Variants in SMIM14 observed in about 807,000 individuals in gnomAD.
SMIM14 encodes the protein small integral membrane protein 14.
A neutral mutation model predicts 12.6 loss-of-function variants in SMIM14; 5 were observed. The observed-to-expected ratio is 0.40, with a 90% CI of 0.21 to 0.83. The LOEUF (loss-of-function observed/expected upper bound fraction) is 0.83. Among genes scored for constraint, SMIM14 ranks in the 40% least tolerant of loss-of-function variants. The pLI, the probability that SMIM14 is intolerant of heterozygous loss-of-function variation, is 0.37. For missense variants in SMIM14, 86 were observed against 119.1 expected (o/e 0.72, Z 1.29); for synonymous variants, 30 against 40.1 (o/e 0.75, Z 0.95).
chr4:39,577,584 C>CA (rs1002422224), intron 2 of SMIM14, among the ~76,000 whole-genome samples: 1 of 151,970 alleles, frequency 6.6e-6, no homozygotes, highest in African/African-American at 2.4e-5. Flanking sequence ...TGCACCATCA[C>CA]ACCCAGCTAA....
At chr4:39,638,478 C>T (rs1716189622) in intron 1 of SMIM14, 1 of 985,460 alleles carries the variant, frequency 1.0e-6, no homozygotes, top group African/African-American at 1.7e-5. Flanking sequence ...GCTACCTTGC[C>T]CTTGCCTGCA....
rs1713492024 is a variant in SMIM14 at position 39,581,518 on chromosome 4, C to CTTTTTTCTT, written c.76-9056_76-9055insAAGAAAAAA. On this transcript the variant is annotated intron_variant, in intron 2 of 4. Coordinates refer to ENST00000295958, the MANE Select transcript of SMIM14 (RefSeq NM_174921.3). The stretch of plus-strand genomic sequence containing the variant: ...TTTTCGTTTTTTTCCTTTTCTTTTT[C>CTTTTTTCTT]TTTTTTTTTTTTTTTGAGACAGGGT... Among the ~76,000 whole-genome samples the CTTTTTTCTT allele has an allele frequency of 1.5e-4, 20 of 132,094 alleles. 1 individual carries two copies. The Admixed American group carries it at 1.6e-3, about 10-fold the overall frequency. The allele number at this position is 132,094 out of a possible 152,430, so 86.7% of individuals were successfully genotyped here. A position where few individuals can be genotyped will look rare whatever the true frequency, so the allele number is the denominator to read the frequency against.
In SMIM14 at chr4:39,576,707, T is replaced by A. The variant is rs1280656916; in HGVS notation, c.76-4244A>T. Among the ~76,000 whole-genome samples the A allele has an allele frequency of 4.2e-3, 304 of 72,494 alleles. 10 individuals are homozygous for A. Among genetic ancestry groups the A allele is most frequent in the African/African-American group, 0.015 (285 of 18,910 alleles). The allele number at this position is 72,494 out of a possible 152,430, so 47.6% of individuals were successfully genotyped here. On this transcript the variant is annotated intron_variant, in intron 2 of 4. Coordinates refer to ENST00000295958, the MANE Select transcript of SMIM14 (RefSeq NM_174921.3). The stretch of plus-strand genomic sequence containing the variant: ...ATATTTTTTTTTTTTTTTTTTTTTT[T>A]TTTTTTTTTTTTTTTTTGAGACGGA...
chr4:39,636,153 T>C (rs1277444636), intron 1 of SMIM14, among the ~76,000 whole-genome samples: 5 of 107,610 alleles, frequency 4.6e-5, no homozygotes, highest in African/African-American at 7.7e-5. Context: ...GCCTGTACAA[T>C]AGAGCAAGAC....
At chr4:39,624,815 C>T (rs1372936780) in intron 1 of SMIM14, among the ~76,000 whole-genome samples, 1 of 58,276 alleles carries the variant, frequency 1.7e-5, no homozygotes, top group Non-Finnish European at 3.2e-5. Context: ...GACACCATCT[C>T]GAAAAAAAAA....
intron 2 of SMIM14, among the ~76,000 whole-genome samples, chr4:39,583,317 CA>C (rs1713612988): frequency 6.6e-6 from 1 of 152,004 alleles, no homozygotes; most frequent in Non-Finnish European, 1.5e-5. Context: ...AGGCTGGTCT[CA>C]AACTCCTGGG....
Position 39,598,029 on chromosome 4 carries a change from A to G in SMIM14, c.75+7042T>C, listed in dbSNP as rs544652311. Reference sequence around the variant, plus strand: ...CCTTCTCACTTTATTTACAACCACTATAGAGTTCAGGGTTTCCTTGGTTTC... The same window carrying G: ...CCTTCTCACTTTATTTACAACCACTGTAGAGTTCAGGGTTTCCTTGGTTTC... On this transcript the variant is annotated intron_variant, in intron 2 of 4. Coordinates refer to ENST00000295958, the MANE Select transcript of SMIM14 (RefSeq NM_174921.3). Among the ~76,000 whole-genome samples, 7 of 152,296 alleles carry G rather than the reference A, an allele frequency of 4.6e-5. No homozygotes were observed. The South Asian group carries it at 1.5e-3, about 32-fold the overall frequency.
At chr4:39,582,203 C>A (rs17618779) in intron 2 of SMIM14, among the ~76,000 whole-genome samples, 19,956 of 152,052 alleles carry the variant, frequency 0.13, 1,955 homozygotes, top group South Asian at 0.32. Context: ...AAACTATAAC[C>A]AACACACTGG....
chr4:39,602,056 C>G (rs1342166947), intron 2 of SMIM14, among the ~76,000 whole-genome samples: 1 of 150,880 alleles, frequency 6.6e-6, no homozygotes, highest in Non-Finnish European at 1.5e-5. Flanking sequence ...CAAGACCAGC[C>G]TGGGCAACAT....
At chr4:39,631,351 A>G (rs189221194) in intron 1 of SMIM14, among the ~76,000 whole-genome samples, 208 of 151,494 alleles carry the variant, frequency 1.4e-3, no homozygotes, top group African/African-American at 4.8e-3. Context: ...AAAAAAGAGC[A>G]AACTTGTTTT....
At chr4:39,569,022 C>T (rs996534718) in intron 3 of SMIM14, among the ~76,000 whole-genome samples, 5 of 152,112 alleles carry the variant, frequency 3.3e-5, no homozygotes, top group Admixed American at 3.3e-4. Flanking sequence ...AAAAGCCGCA[C>T]ATGTAATAAA....
chr4:39,625,977 T>C (rs1420627487), intron 1 of SMIM14, among the ~76,000 whole-genome samples: 1 of 152,158 alleles, frequency 6.6e-6, no homozygotes, highest in Non-Finnish European at 1.5e-5. Context: ...TACTGGTCTG[T>C]GGCCTGTTAG....
At chr4:39,578,865 G>A (rs576594101) in intron 2 of SMIM14, among the ~76,000 whole-genome samples, 3 of 151,696 alleles carry the variant, frequency 2.0e-5, no homozygotes, top group Non-Finnish European at 4.4e-5. Context: ...GCGTGGTGGC[G>A]CACACCTGTA....
chr4:39,632,774 G>GTC (rs1491387483), intron 1 of SMIM14, among the ~76,000 whole-genome samples: 6 of 47,818 alleles, frequency 1.3e-4, no homozygotes, highest in East Asian at 6.5e-4. Flanking sequence ...TGAGACTCCC[G>GTC]TCACACACAC....
At chr4:39,567,520 C>T (rs77223062) in intron 3 of SMIM14, among the ~76,000 whole-genome samples, 1 of 151,784 alleles carries the variant, frequency 6.6e-6, no homozygotes, top group African/African-American at 2.4e-5. Flanking sequence ...GGGCGGATCA[C>T]GAGGTCAGGA....
rs1747423845 is a variant in SMIM14 at position 39,548,282 on chromosome 4, A to G, written c.*3844T>C. On this transcript the variant is annotated 3_prime_UTR_variant, in exon 5 of 5. Coordinates refer to ENST00000295958, the MANE Select transcript of SMIM14 (RefSeq NM_174921.3). ...AAAGCAAAACAAAACAAAACAAAAC[A>G]AACAAACAAATGCAACAAAACAACC... is the stretch of plus-strand genomic sequence containing the variant. 6.6e-6 allele frequency: 1 copy of G among 151,240 alleles called. No individual in the cohort carries two copies. Among genetic ancestry groups the G allele is most frequent in the Admixed American group, 6.6e-5 (1 of 15,222 alleles). The allele number at this position is 151,240 out of a possible 1,614,324, so 9.4% of individuals were successfully genotyped here.
At chr4:39,603,884 A>T (rs905209093) in intron 2 of SMIM14, among the ~76,000 whole-genome samples, 3 of 151,826 alleles carry the variant, frequency 2.0e-5, no homozygotes, top group African/African-American at 4.8e-5. Flanking sequence ...GGTGGTGCGC[A>T]CCTGCAATCC....
At chr4:39,565,905 T>A (rs965773199) in intron 3 of SMIM14, among the ~76,000 whole-genome samples, 7 of 151,826 alleles carry the variant, frequency 4.6e-5, no homozygotes, top group African/African-American at 1.7e-4. Flanking sequence ...AAGGGGAGTT[T>A]CCCTGCACAA....
chr4:39,575,575 TA>T lies in SMIM14; in HGVS notation c.76-3113del, dbSNP rs570102632. On this transcript the variant is annotated intron_variant, in intron 2 of 4. Transcript: ENST00000295958. ...AAGGAGTGAATCAAAAAACTCTTAC[TA>T]AAATTACACATTCTTATTTTGTTTT... Among the ~76,000 whole-genome samples the T allele has an allele frequency of 3.9e-5, 6 of 151,982 alleles. No individual in the cohort carries two copies. In the East Asian group the frequency reaches 1.2e-3, roughly 29 times the overall value.
Sources: gnomAD v4.1 joint callset for allele counts (sites outside exome capture counted in the v4.1 genomes callset) on GRCh38, gnomAD v4.1.1 for gene constraint, MANE v1.5 for transcripts, NCBI Gene and HGNC (gene_info 2026-07-23, HGNC 2026-07-21) for gene names.